The following POLR1B variants were observed in gnomAD, a reference collection of about 807,000 sequenced individuals.
POLR1B encodes the protein DNA-directed RNA polymerase I subunit RPA2.
A neutral mutation model predicts 105.8 loss-of-function variants in POLR1B; 30 were observed. That is an observed-to-expected ratio of 0.28 (90% CI 0.21 to 0.38). The LOEUF (loss-of-function observed/expected upper bound fraction) is 0.38. Ranked by LOEUF, POLR1B falls within the 10% of genes least tolerant of loss-of-function variation. The pLI is 1.00. For missense variants in POLR1B, 976 were observed against 1,435.8 expected (o/e 0.68, Z 5.17); for synonymous variants, 485 against 505.1 (o/e 0.96, Z 0.53).
In POLR1B at chr2:112,575,380, G is replaced by C. The variant is rs764551865; in HGVS notation, c.3059G>C (p.Arg1020Thr). The change falls in exon 15 of 15, where the codon AGA (arginine) becomes ACA (threonine). Residue 1020 changes from arginine (R) to threonine (T), a missense_variant. Around this residue, in one of 12 missense-constraint regions of POLR1B, gnomAD observed 13 missense variants for 49.1 expected, o/e 0.26. Transcript: ENST00000263331. The surrounding 1 kb of genome is among the most constrained non-coding windows in gnomAD (Gnocchi z 5.3). ...GTAAGGACAACTGGAGCCCGAGACA[G>C]AGTCACCAACCAGCCTATTGGGGGA... is the stretch of plus-strand genomic sequence containing the variant. ...FQVRTTGARD[R>T]VTNQPIGGRN... 56 of 1,614,102 alleles carry C rather than the reference G, an allele frequency of 3.5e-5. No individual in the cohort carries two copies. The highest frequency in any genetic ancestry group is 4.7e-5 in the Non-Finnish European group (55 of 1,180,054).
At position 112,550,892 on chromosome 2, in the gene POLR1B, G is replaced by T; in HGVS notation, c.652G>T (p.Glu218Ter). The change falls in exon 5 of 15, where the codon GAA becomes TAA. Residue 218 changes from glutamate to a stop codon, truncating the protein, a stop_gained. Transcript: ENST00000263331. LOFTEE classifies it high-confidence loss of function. The part of the protein sequence containing the change: ...YGVSMHCVRE[E>*]HSAVNMNLHY... ...AGTTTCAATGCACTGTGTGAGGGAA[G>T]AACATTCCGCTGTCAATATGAACCT... 1 of 1,614,080 alleles carries T rather than the reference G, an allele frequency of 6.2e-7. No individual in the cohort carries two copies. The highest frequency in any genetic ancestry group is 8.5e-7 in the Non-Finnish European group (1 of 1,179,962).
chr2:112,569,553 A>G (rs969125382), intron 12 of POLR1B, among the ~76,000 whole-genome samples: 2 of 151,112 alleles, frequency 1.3e-5, no homozygotes, highest in Non-Finnish European at 2.9e-5. Flanking sequence ...TTCTGAATAT[A>G]GTGTGTTTCT....
chr2:112,567,568 G>A lies in POLR1B; in HGVS notation c.1747-399G>A, dbSNP rs553055961. ...GTAATTTTTTAATTTTTGTAGAGAC[G>A]GGGTTTCATCATGTTGCCCAGGCTG... is the stretch of plus-strand genomic sequence containing the variant. On this transcript the variant is annotated intron_variant, in intron 10 of 14. Coordinates refer to ENST00000263331, the MANE Select transcript of POLR1B (RefSeq NM_019014.6). Among the ~76,000 whole-genome samples, 12 of 151,860 alleles carry A rather than the reference G, an allele frequency of 7.9e-5. 1 individual carries two copies. The East Asian group carries it at 2.3e-3, about 29-fold the overall frequency.
intron 1 of POLR1B, among the ~76,000 whole-genome samples, chr2:112,544,088 TA>T (rs75593699): frequency 5.1e-4 from 74 of 144,628 alleles, no homozygotes; most frequent in Admixed American, 6.2e-4. Flanking sequence ...GACCTGTCTT[TA>T]AAAAAAAAAA....
intron 7 of POLR1B, among the ~76,000 whole-genome samples, chr2:112,557,585 T>C (rs1453692389): frequency 1.3e-5 from 2 of 152,214 alleles, no homozygotes; most frequent in African/African-American, 4.8e-5. Flanking sequence ...CATACTATTT[T>C]ATTTTATTGA....
Position 112,574,723 on chromosome 2 carries a change from TAAAAAAAAAA to T in POLR1B, c.2526-111_2526-102del, listed in dbSNP as rs61116291. The T allele has an allele frequency of 8.1e-5, 48 of 589,092 alleles. 1 individual carries two copies. In the South Asian group the frequency reaches 1.1e-3, roughly 14 times the overall value. The allele number at this position is 589,092 out of a possible 1,614,324, so 36.5% of individuals were successfully genotyped here. On this transcript the variant is annotated intron_variant, in intron 14 of 14. Transcript: ENST00000263331. ...GGCAACAGAGTGAGACCCTGTATCATAAAAAAAAAAAAAAAAAAAAAAGTTTTACAAATAT... is the reference window on the plus strand; with the variant it reads ...GGCAACAGAGTGAGACCCTGTATCATAAAAAAAAAAAAGTTTTACAAATAT...
Position 112,552,645 on chromosome 2 carries a change from C to T in POLR1B, c.987C>T (p.Asn329=). The T allele has an allele frequency of 1.3e-6, 2 of 1,545,754 alleles. No homozygotes were observed. The highest frequency in any genetic ancestry group is 1.2e-5 in the South Asian group (1 of 81,278). Residue 329 remains asparagine (N), a splice_region_variant and synonymous_variant, in exon 7 of 15, where the codon AAC becomes AAT. Coordinates refer to ENST00000263331, the MANE Select transcript of POLR1B (RefSeq NM_019014.6). ...CTTTTTTTTTTTTCTGTTTTCACAG[C>T]CAGTGCATCTGTATCCACTTGAAAT... ...PNEQAAEFLF[N]QCICIHLKSN...
At chr2:112,551,273 A>G (rs1683351979) in intron 5 of POLR1B, among the ~76,000 whole-genome samples, 1 of 152,152 alleles carries the variant, frequency 6.6e-6, no homozygotes, top group African/African-American at 2.4e-5. Context: ...GACTGCAGTC[A>G]TTTTCAGGAC....
chr2:112,551,722 ATAAAGTATTT>A, intron 5 of POLR1B, 43 bp from the exon 6 acceptor site: 1 of 1,398,786 alleles, frequency 7.1e-7, no homozygotes, highest in South Asian at 1.3e-5. Context: ...TAGTGAATAG[ATAAAGTATTT>A]TAGTTATTAG....
In POLR1B at chr2:112,575,651, T is replaced by C; in HGVS notation, c.3330T>C (p.Val1110=). Residue 1110 remains valine, a synonymous_variant, in exon 15 of 15, where the codon GTT becomes GTC. Transcript: ENST00000263331. The surrounding 1 kb of genome is among the most constrained non-coding windows in gnomAD (Gnocchi z 5.3). ...LCSRSDTIDT[V]SVPYVFRYFV... ...GTCGCAGTGACACTATCGATACTGT[T>C]TCTGTGCCTTATGTTTTTCGGTATT... The C allele has an allele frequency of 6.2e-7, 1 of 1,614,116 alleles. No homozygotes were observed. Among genetic ancestry groups the C allele is most frequent in the Admixed American group, 1.7e-5 (1 of 60,014 alleles).
chr2:112,551,043 C>T (rs753821348), intron 5 of POLR1B, 41 bp downstream of exon 5: 2 of 1,582,922 alleles, frequency 1.3e-6, no homozygotes, highest in Admixed American at 3.3e-5. Context: ...TGAAGAAATT[C>T]ACTGGGGGTA....
At chr2:112,574,746 GT>G in intron 14 of POLR1B, 100 bp from the exon 15 acceptor site, 1 of 646,076 alleles carries the variant, frequency 1.5e-6, no homozygotes, top group East Asian at 3.3e-5. Flanking sequence ...AAAAAAAAAA[GT>G]TTTACAAATA....
intron 7 of POLR1B, among the ~76,000 whole-genome samples, chr2:112,557,682 T>TC (rs1683731584): frequency 6.6e-6 from 1 of 152,190 alleles, no homozygotes; most frequent in Non-Finnish European, 1.5e-5. Flanking sequence ...ACTCAAGCGA[T>TC]CCTTCCGCCT....
intron 1 of POLR1B, among the ~76,000 whole-genome samples, chr2:112,545,573 A>G (rs1682994371): frequency 6.6e-6 from 1 of 152,014 alleles, no homozygotes; most frequent in Non-Finnish European, 1.5e-5. Context: ...AGTTCACTGT[A>G]TTTCCTTCTA....
intron 4 of POLR1B, among the ~76,000 whole-genome samples, chr2:112,550,317 T>C (rs1306430861): frequency 1.3e-5 from 2 of 152,246 alleles, no homozygotes; most frequent in African/African-American, 4.8e-5. Context: ...TAAGACAGCA[T>C]GTTGTATTCT....
chr2:112,562,010 C>T (rs773517692), intron 9 of POLR1B, among the ~76,000 whole-genome samples: 4 of 152,214 alleles, frequency 2.6e-5, no homozygotes, highest in South Asian at 2.1e-4. Flanking sequence ...CAAAAAATCA[C>T]ACCAACAAAA....
intron 11 of POLR1B, 142 bp downstream of exon 11, chr2:112,568,279 C>A: frequency 1.2e-6 from 1 of 824,772 alleles, no homozygotes; most frequent in Non-Finnish European, 1.9e-6. Context: ...AGACTTTCCA[C>A]CTCCTCTATG....
chr2:112,559,471 A>C lies in POLR1B; in HGVS notation c.1509A>C (p.Pro503=). The C allele has an allele frequency of 6.2e-7, 1 of 1,614,236 alleles. No homozygotes were observed. The highest frequency in any genetic ancestry group is 1.3e-5 in the African/African-American group (1 of 75,058). The part of the protein sequence containing the change: ...SWGFLCPVHT[P]DGEPCGLMNH... ...GCTTCCTTTGTCCCGTGCATACCCC[A>C]GACGGGGAGCCCTGTGGCCTGATGA... Residue 503 remains proline, a synonymous_variant, in exon 9 of 15, where the codon CCA becomes CCC. Transcript: ENST00000263331.
chr2:112,567,283 C>T (rs1027718328), intron 10 of POLR1B, among the ~76,000 whole-genome samples: 23 of 152,074 alleles, frequency 1.5e-4, no homozygotes, highest in African/African-American at 5.6e-4. Context: ...CCCATGAGTT[C>T]TGACACATGG....
Sources: gnomAD v4.1 joint callset for allele counts (sites outside exome capture counted in the v4.1 genomes callset) on GRCh38, gnomAD v4.1.1 for gene constraint, gnomAD v4.1.1 regional missense constraint, Gnocchi (gnomAD v3.1) non-coding constraint, MANE v1.5 for transcripts, NCBI Gene and HGNC (gene_info 2026-07-23, HGNC 2026-07-21) for gene names.